CHIA: variants seen among roughly 807,000 people sequenced by gnomAD.
The protein encoded by CHIA is acidic mammalian chitinase.
A neutral mutation model predicts 53.5 loss-of-function variants in CHIA; 47 were observed. That is an observed-to-expected ratio of 0.88 (90% CI 0.70 to 1.12). The LOEUF (loss-of-function observed/expected upper bound fraction) is 1.12. CHIA is among the 50% of genes most tolerant of loss of function. The pLI is 0.00. For missense variants in CHIA, 652 were observed against 592.2 expected, an observed-to-expected ratio of 1.10 and a Z score of -1.05; for synonymous variants, 268 against 222.2, an observed-to-expected ratio of 1.21 and a Z score of -1.83.
chr1:111,297,722 A>C (rs570184926), intron 1 of CHIA, among the ~76,000 whole-genome samples: 1 of 152,142 alleles, frequency 6.6e-6, no homozygotes, highest in South Asian at 2.1e-4. Context: ...TTCACACATA[A>C]CATACTAACA....
chr1:111,293,751 G>T (rs1430414448), intron 1 of CHIA, among the ~76,000 whole-genome samples: 1 of 152,084 alleles, frequency 6.6e-6, no homozygotes, highest in Non-Finnish European at 1.5e-5. Context: ...TCTATTTTGA[G>T]TTAATTTTGC....
At chr1:111,305,038 C>G (rs1648067222) in intron 1 of CHIA, among the ~76,000 whole-genome samples, 2 of 152,174 alleles carry the variant, frequency 1.3e-5, no homozygotes. Context: ...GCTGGGATTA[C>G]AGGTCACTGC....
chr1:111,291,112 T>C (rs1660987896), intron 1 of CHIA, among the ~76,000 whole-genome samples, 162 bp downstream of exon 1: 1 of 152,206 alleles, frequency 6.6e-6, no homozygotes, highest in African/African-American at 2.4e-5. Flanking sequence ...CTTAAAGGTA[T>C]TGTGTGTGTG....
intron 11 of CHIA, 114 bp from the exon 12 acceptor site, chr1:111,320,099 G>C: frequency 1.1e-6 from 1 of 877,800 alleles, no homozygotes; most frequent in Non-Finnish European, 1.8e-6. Context: ...CAGGGATCCA[G>C]AGCCAACTGC....
At chr1:111,296,470 C>A (rs1402165206) in intron 1 of CHIA, among the ~76,000 whole-genome samples, 1 of 152,186 alleles carries the variant, frequency 6.6e-6, no homozygotes, top group Non-Finnish European at 1.5e-5. Flanking sequence ...AACAGACCTG[C>A]AGCTGAGGGA....
In CHIA at chr1:111,291,479, G is replaced by A. The variant is rs570571990; in HGVS notation, c.-69+529G>A. On this transcript the variant is annotated intron_variant, in intron 1 of 11. Transcript: ENST00000369740. The stretch of plus-strand genomic sequence containing the variant: ...GGAACAATGAGAACACATGGACACC[G>A]GGAAGGGAACAAGAAACACTGGAGC... Among the ~76,000 whole-genome samples the A allele has an allele frequency of 1.8e-4, 28 of 151,864 alleles. 1 individual carries two copies. The highest frequency in any genetic ancestry group is 4.6e-4 in the Admixed American group (7 of 15,258).
rs927893650 is a variant in CHIA, at chr1:111,302,845, C to G, written c.-68-7555C>G. Among the ~76,000 whole-genome samples, 6 of 152,138 alleles carry G rather than the reference C, an allele frequency of 3.9e-5. No homozygotes were observed. The South Asian group carries it at 1.2e-3, about 32-fold the overall frequency. The stretch of plus-strand genomic sequence containing the variant: ...TGTTGTATTCATTACTGAGAACGGG[C>G]TATTGAAGTTTCCAACTATCATTTA... On this transcript the variant is annotated intron_variant, in intron 1 of 11. Transcript: ENST00000369740.
chr1:111,315,830 C>T (rs1461286780), intron 6 of CHIA: 7 of 449,988 alleles, frequency 1.6e-5, no homozygotes, highest in African/African-American at 2.1e-5. Flanking sequence ...GCCACAGAGT[C>T]CATTGCTTCT....
In CHIA at chr1:111,310,387, G is replaced by T. The variant is rs1648564325; in HGVS notation, c.-68-13G>T. The T allele has an allele frequency of 4.4e-6, 7 of 1,602,718 alleles. No homozygotes were observed. In the South Asian group the frequency reaches 7.9e-5, roughly 18 times the overall value. On this transcript the variant is annotated splice_polypyrimidine_tract_variant and intron_variant, in intron 1 of 11. Transcript: ENST00000369740. Reference sequence around the variant, plus strand: ...ACTACATACACATCTGGGTCAAATTGTTCTCTATTTAGAAGCCTTTGTGAT... The same window carrying T: ...ACTACATACACATCTGGGTCAAATTTTTCTCTATTTAGAAGCCTTTGTGAT...
chr1:111,295,779 A>G (rs985075198), intron 1 of CHIA, among the ~76,000 whole-genome samples: 1 of 152,210 alleles, frequency 6.6e-6, no homozygotes, highest in African/African-American at 2.4e-5. Flanking sequence ...AGGAAGTGCA[A>G]GGCACTGGAG....
At position 111,317,981 on chromosome 1, in the gene CHIA, C is replaced by T. The variant is rs755059622; in HGVS notation, c.606-5C>T. The stretch of plus-strand genomic sequence containing the variant: ...AATGATTTTAAATCCTCCACCCCAC[C>T]TCAGGTACCTGGACTACATCCATGT... On this transcript the variant is annotated splice_polypyrimidine_tract_variant and splice_region_variant and intron_variant, in intron 7 of 11. Coordinates refer to ENST00000369740, the MANE Select transcript of CHIA (RefSeq NM_201653.4). 5.0e-6 allele frequency: 8 copies of T among 1,614,016 alleles called. No individual in the cohort carries two copies. The African/African-American group carries it at 8.0e-5, about 16-fold the overall frequency.
chr1:111,296,903 AT>A (rs1661374618), intron 1 of CHIA, among the ~76,000 whole-genome samples: 1 of 152,234 alleles, frequency 6.6e-6, no homozygotes, highest in African/African-American at 2.4e-5. Context: ...ACGGAAAACC[AT>A]GGCACGAGAA....
At chr1:111,294,897 A>G (rs897979420) in intron 1 of CHIA, among the ~76,000 whole-genome samples, 5 of 152,208 alleles carry the variant, frequency 3.3e-5, no homozygotes, top group African/African-American at 4.8e-5. Context: ...TCGTGAACAC[A>G]GTATATAATC....
At chr1:111,320,189 T>A in intron 11 of CHIA, 24 bp from the exon 12 acceptor site, 1 of 1,606,196 alleles carries the variant, frequency 6.2e-7, no homozygotes, top group Non-Finnish European at 8.5e-7. Context: ...CCCACTAGTC[T>A]GCTCTTACTG....
rs779907650 is a variant in CHIA, at chr1:111,314,591, T to C, written c.309T>C (p.Thr103=). 3.7e-6 allele frequency: 6 copies of C among 1,612,520 alleles called. No homozygotes were observed. The highest frequency in any genetic ancestry group is 4.2e-6 in the Non-Finnish European group (5 of 1,178,616). The change falls in exon 5 of 12, where the codon ACT becomes ACC. Residue 103 remains threonine, a synonymous_variant. Transcript: ENST00000369740. The part of the protein sequence containing the change: ...LLAIGGWNFG[T]APFTAMVSTP... Reference sequence around the variant, plus strand: ...CCATTGGAGGCTGGAACTTCGGGACTGCCCCGTAAGTCTTCTATGGAGAGC... The same window carrying C: ...CCATTGGAGGCTGGAACTTCGGGACCGCCCCGTAAGTCTTCTATGGAGAGC...
In CHIA at chr1:111,318,070, A is replaced by G. The variant is rs1296556376; in HGVS notation, c.690A>G (p.Lys230=). ...CTGGAGAGAACAGCCCCCTCTACAA[A>G]TACCCGACTGACACCGGCAGCAACG... The part of the protein sequence containing the change: ...GYTGENSPLY[K]YPTDTGSNAY... The change falls in exon 8 of 12, where the codon AAA becomes AAG. Residue 230 remains lysine, a synonymous_variant. Coordinates refer to ENST00000369740, the MANE Select transcript of CHIA (RefSeq NM_201653.4). 1 of 1,613,896 alleles carries G rather than the reference A, an allele frequency of 6.2e-7. No individual in the cohort carries two copies. Among genetic ancestry groups the G allele is most frequent in the Admixed American group, 1.7e-5 (1 of 60,022 alleles).
chr1:111,301,705 C>CAAAAAA (rs35562130), intron 1 of CHIA, among the ~76,000 whole-genome samples: 5 of 105,476 alleles, frequency 4.7e-5, no homozygotes, highest in African/African-American at 7.9e-5. Flanking sequence ...ACTCTCTCTC[C>CAAAAAA]AAAAAAAAAA....
chr1:111,298,467 A>G (rs7539071), intron 1 of CHIA, among the ~76,000 whole-genome samples: 42,336 of 152,114 alleles, frequency 0.28, 6,179 homozygotes, highest in East Asian at 0.36. Flanking sequence ...ACTACATGGA[A>G]AGTGAACAAC....
At chr1:111,312,505 G>C in intron 4 of CHIA, 114 bp downstream of exon 4, 1 of 820,596 alleles carries the variant, frequency 1.2e-6, no homozygotes, top group Non-Finnish European at 2.0e-6. Flanking sequence ...CCAAGACTCT[G>C]CATTTCATTT....
Sources: allele counts gnomAD v4.1 joint callset (sites outside exome capture counted in the v4.1 genomes callset), GRCh38; gene constraint gnomAD v4.1.1; transcripts MANE v1.5; gene names NCBI Gene and HGNC (gene_info 2026-07-23, HGNC 2026-07-21).